PTPRT: variants seen among roughly 807,000 people sequenced by gnomAD.
PTPRT encodes protein tyrosine phosphatase receptor type T, also known as receptor-type tyrosine-protein phosphatase T.
In PTPRT, 56 loss-of-function variants were observed where a neutral mutation model predicts 176.8. That is an observed-to-expected ratio of 0.32 (90% CI 0.26 to 0.40). The LOEUF (loss-of-function observed/expected upper bound fraction) is 0.40. Among genes scored for constraint, PTPRT ranks in the 10% least tolerant of loss-of-function variants. PTPRT has a pLI of 1.00. For missense variants in PTPRT, 1,540 were observed against 1,908.2 expected, an observed-to-expected ratio of 0.81 and a Z score of 3.60; for synonymous variants, 783 against 739.0, an observed-to-expected ratio of 1.06 and a Z score of -0.96.
intron 7 of PTPRT, among the ~76,000 whole-genome samples, chr20:42,583,000 C>T (rs2073403850): frequency 6.6e-6 from 1 of 152,152 alleles, no homozygotes; most frequent in Non-Finnish European, 1.5e-5. Flanking sequence ...ACAAAAAATC[C>T]ACCTCACTCA....
rs2072660129 is a variant in PTPRT, at chr20:42,545,565, C to T, written c.1154-73003G>A. On this transcript the variant is annotated intron_variant, in intron 7 of 30. Coordinates refer to ENST00000373187, the MANE Select transcript of PTPRT (RefSeq NM_007050.6). ...ACAAACCTAGGCTTTACTCCCCTACCCAGAAAGAGTCTTCTCTTCCTACTC... is the reference window on the plus strand; with the variant it reads ...ACAAACCTAGGCTTTACTCCCCTACTCAGAAAGAGTCTTCTCTTCCTACTC... Among the ~76,000 whole-genome samples the T allele has an allele frequency of 4.6e-5, 7 of 152,170 alleles. No individual in the cohort carries two copies. The South Asian group carries it at 1.4e-3, about 32-fold the overall frequency.
chr20:42,885,710 C>T, intron 2 of PTPRT, 97 bp downstream of exon 2: 2 of 1,468,560 alleles, frequency 1.4e-6, no homozygotes, highest in Non-Finnish European at 1.8e-6. Flanking sequence ...CGATTGCCAT[C>T]TCAGAGAGCT....
rs775535515 is a variant in PTPRT, at chr20:42,161,461, A to G, written c.2573T>C (p.Met858Thr). ...HPYRTCDPVE[M>T]SYPRDQFQPA... ...TTGGAACTGGTCCCGGGGGTAGCTC[A>G]TCTCCACAGGGTCACAGGTGCGGTA... is the stretch of plus-strand genomic sequence containing the variant. The change falls in exon 17 of 31, where the codon ATG becomes ACG. Residue 858 changes from methionine (M) to threonine (T), a missense_variant. Met to Thr is a moderately conservative substitution (Grantham distance 81). Transcript: ENST00000373187. The G allele has an allele frequency of 6.2e-7, 1 of 1,614,090 alleles. No homozygotes were observed.
intron 3 of PTPRT, among the ~76,000 whole-genome samples, chr20:42,787,496 G>A (rs1487894996): frequency 1.3e-5 from 2 of 152,136 alleles, no homozygotes; most frequent in South Asian, 2.1e-4. Flanking sequence ...TCCTAGAACC[G>A]AATACATCAC....
intron 1 of PTPRT, among the ~76,000 whole-genome samples, chr20:43,038,022 A>AAATCAGACAAGGGATTAAGGAG (rs1986452369): frequency 2.4e-4 from 36 of 151,942 alleles, no homozygotes; most frequent in African/African-American, 8.0e-4. Context: ...TCTGACCTAA[A>AAATCAGACAAGGGATTAAGGAG]CTGCTTCTGT....
At chr20:42,126,601 C>A (rs73114433) in intron 19 of PTPRT, among the ~76,000 whole-genome samples, 30,625 of 152,200 alleles carry the variant, frequency 0.2, 4,022 homozygotes, top group Non-Finnish European at 0.29. Context: ...GGAGCCTTCA[C>A]TGGCTACTTC....
chr20:42,220,265 T>G (rs2055856645), intron 15 of PTPRT, among the ~76,000 whole-genome samples: 1 of 152,166 alleles, frequency 6.6e-6, no homozygotes, highest in Non-Finnish European at 1.5e-5. Flanking sequence ...GAGACATACA[T>G]GTTCCTAAGC....
intron 1 of PTPRT, among the ~76,000 whole-genome samples, chr20:43,001,709 T>A (rs569201814): frequency 6.6e-6 from 1 of 152,308 alleles, no homozygotes; most frequent in African/African-American, 2.4e-5. Flanking sequence ...TATTCTTTTA[T>A]ACATGATTAA....
intron 6 of PTPRT, among the ~76,000 whole-genome samples, chr20:42,681,495 T>A (rs2075603394): frequency 6.6e-6 from 1 of 152,068 alleles, no homozygotes; most frequent in Non-Finnish European, 1.5e-5. Flanking sequence ...TCATGTTGAG[T>A]CTATGAACAA....
chr20:42,692,139 T>C (rs2075803111), intron 6 of PTPRT, among the ~76,000 whole-genome samples: 1 of 152,182 alleles, frequency 6.6e-6, no homozygotes. Context: ...CAATGAAATA[T>C]CACCTTTACA....
chr20:42,748,695 G>A (rs1279776454), intron 6 of PTPRT, among the ~76,000 whole-genome samples: 1 of 152,124 alleles, frequency 6.6e-6, no homozygotes, highest in Admixed American at 6.5e-5. Flanking sequence ...ATGGGCTTCT[G>A]CCAAAGCCCT....
intron 1 of PTPRT, among the ~76,000 whole-genome samples, chr20:43,064,366 T>A (rs1485225175): frequency 6.6e-6 from 1 of 152,168 alleles, no homozygotes; most frequent in Non-Finnish European, 1.5e-5. Context: ...CCAGTCACAC[T>A]GGAGTGATGG....
intron 6 of PTPRT, among the ~76,000 whole-genome samples, chr20:42,692,784 CAA>C (rs1350947854): frequency 2.0e-5 from 3 of 152,010 alleles, no homozygotes; most frequent in Non-Finnish European, 4.4e-5. Context: ...TAAAAATTAA[CAA>C]GTTAATTTAG....
chr20:42,270,093 A>G (rs2056905373), intron 13 of PTPRT, among the ~76,000 whole-genome samples: 1 of 152,064 alleles, frequency 6.6e-6, no homozygotes, highest in East Asian at 1.9e-4. Context: ...AAGGCACTGG[A>G]ACATATCTTC....
intron 7 of PTPRT, among the ~76,000 whole-genome samples, chr20:42,524,788 T>A (rs2072239605): frequency 6.6e-6 from 1 of 152,164 alleles, no homozygotes; most frequent in Non-Finnish European, 1.5e-5. Flanking sequence ...ATTCCCTTCA[T>A]GTTTTCCTTT....
At chr20:42,081,367 A>T (rs1230687535) in intron 30 of PTPRT, among the ~76,000 whole-genome samples, 2 of 152,152 alleles carry the variant, frequency 1.3e-5, no homozygotes, top group Non-Finnish European at 2.9e-5. Flanking sequence ...TAAGACCACT[A>T]TTCGAGTAGG....
chr20:42,128,502 C>T (rs770647073), intron 19 of PTPRT, among the ~76,000 whole-genome samples: 2 of 152,092 alleles, frequency 1.3e-5, no homozygotes, highest in Non-Finnish European at 2.9e-5. Flanking sequence ...GACATATACA[C>T]AAATGAATAA....
intron 6 of PTPRT, among the ~76,000 whole-genome samples, chr20:42,678,511 G>A (rs2075548441): frequency 6.6e-6 from 1 of 152,036 alleles, no homozygotes; most frequent in African/African-American, 2.4e-5. Context: ...ATGTTGGCCA[G>A]GCTGGTCTTG....
chr20:43,163,406 A>AG (rs1362441794), intron 1 of PTPRT, among the ~76,000 whole-genome samples: 2 of 152,214 alleles, frequency 1.3e-5, no homozygotes, highest in Admixed American at 6.5e-5. Flanking sequence ...TGGGAGGCCG[A>AG]GGGGGGCAAA....
Sources: gnomAD v4.1 joint callset for allele counts (sites outside exome capture counted in the v4.1 genomes callset) on GRCh38, gnomAD v4.1.1 for gene constraint, MANE v1.5 for transcripts, NCBI Gene and HGNC (gene_info 2026-07-23, HGNC 2026-07-21) for gene names.